GRIP1: variants seen among roughly 807,000 people sequenced by gnomAD.
The protein encoded by GRIP1 is glutamate receptor-interacting protein 1.
GRIP1 carries 45 observed loss-of-function variants against 129.9 expected under a neutral mutation model. That is an observed-to-expected ratio of 0.35 (90% confidence interval 0.27 to 0.44). The LOEUF (loss-of-function observed/expected upper bound fraction) is 0.44. Ranked by LOEUF, GRIP1 falls within the 20% of genes least tolerant of loss-of-function variation. GRIP1 has a pLI of 1.00. For synonymous variants in GRIP1, 530 were observed against 520.8 expected (o/e 1.02, Z -0.24); for missense variants, 1,196 against 1,396.8 (o/e 0.86, Z 2.29).
chr12:66,924,384 CTA>C (rs2041262399), intron 1 of GRIP1, among the ~76,000 whole-genome samples: 1 of 152,138 alleles, frequency 6.6e-6, no homozygotes, highest in African/African-American at 2.4e-5. Context: ...CTAGGAAAAA[CTA>C]TTGATACATA....
chr12:66,937,431 T>G (rs967127054), intron 1 of GRIP1, among the ~76,000 whole-genome samples: 4 of 152,212 alleles, frequency 2.6e-5, no homozygotes, highest in African/African-American at 7.2e-5. Context: ...GAAAAGTGCA[T>G]AACAAATAAA....
At chr12:66,401,598 GTATATA>G (rs1555177931) in intron 16 of GRIP1, among the ~76,000 whole-genome samples, 17 of 66,270 alleles carry the variant, frequency 2.6e-4, no homozygotes, top group African/African-American at 9.8e-4. Context: ...AAATATGTGT[GTATATA>G]TATATACACA....
chr12:66,497,122 G>A (rs10878440), intron 7 of GRIP1, among the ~76,000 whole-genome samples: 37,321 of 151,988 alleles, frequency 0.25, 4,704 homozygotes, highest in South Asian at 0.33. Context: ...CACTATGCAT[G>A]TAGTGGCAAA....
chr12:66,381,558 G>T (rs1036684417), intron 19 of GRIP1, among the ~76,000 whole-genome samples: 1 of 152,166 alleles, frequency 6.6e-6, no homozygotes, highest in South Asian at 2.1e-4. Flanking sequence ...GCTAATTGGT[G>T]GTGTCTTCCT....
intron 1 of GRIP1, among the ~76,000 whole-genome samples, chr12:66,997,466 A>T (rs989471961): frequency 6.6e-6 from 1 of 152,202 alleles, no homozygotes; most frequent in African/African-American, 2.4e-5. Context: ...TAGTAAAATT[A>T]AAAAGTGCTT....
chr12:66,438,623 G>GTAGC, intron 13 of GRIP1, among the ~76,000 whole-genome samples: 1 of 151,858 alleles, frequency 6.6e-6, no homozygotes, highest in South Asian at 2.1e-4. Flanking sequence ...AGCCTCCCTG[G>GTAGC]TAGCTAGGAT....
chr12:66,980,946 A>C (rs2042234605), intron 1 of GRIP1, among the ~76,000 whole-genome samples: 1 of 152,180 alleles, frequency 6.6e-6, no homozygotes. Flanking sequence ...ACCACTAGAC[A>C]ACTAAAGGAC....
rs756526935 is a variant in GRIP1, at chr12:66,517,928, CAT to C, written c.549_550del (p.Val185SerfsTer7). 1 of 1,592,750 alleles carries C rather than the reference CAT, an allele frequency of 6.3e-7. No homozygotes were observed. The highest frequency in any genetic ancestry group is 8.6e-7 in the Non-Finnish European group (1 of 1,160,656). ...GTCAGCAGGCCCTCCAGGACGAACA[CAT>C]GTTATCACAACTGGACGAGATTTAT... On this transcript the variant is annotated frameshift_variant, in exon 6 of 25. Transcript: ENST00000359742. LOFTEE classifies it high-confidence loss of function.
intron 1 of GRIP1, among the ~76,000 whole-genome samples, chr12:66,675,433 G>A (rs1341644813): frequency 6.6e-6 from 1 of 152,106 alleles, no homozygotes; most frequent in African/African-American, 2.4e-5. Context: ...TGCATATGAG[G>A]CCAAACTGTC....
chr12:66,495,421 C>A (rs746941845), intron 7 of GRIP1, among the ~76,000 whole-genome samples: 3 of 151,820 alleles, frequency 2.0e-5, no homozygotes, highest in Non-Finnish European at 4.4e-5. Context: ...TTCAATATTA[C>A]CCTATCTGCA....
At chr12:66,631,320 G>A (rs10784562) in intron 1 of GRIP1, among the ~76,000 whole-genome samples, 29,656 of 152,042 alleles carry the variant, frequency 0.2, 3,011 homozygotes, top group Non-Finnish European at 0.23. Context: ...GAAAAAAACC[G>A]CTGAAGCTGG....
In GRIP1 at chr12:66,506,600, G is replaced by A. The variant is rs577538363; in HGVS notation, c.724+9019C>T. 2.0e-5 allele frequency among the ~76,000 whole-genome samples: 3 copies of A among 152,248 alleles called. No homozygotes were observed. The South Asian group carries it at 6.2e-4, about 32-fold the overall frequency. On this transcript the variant is annotated intron_variant, in intron 7 of 24. Coordinates refer to ENST00000359742, the MANE Select transcript of GRIP1 (RefSeq NM_001366722.1). ...TATGTTTCATTTCTTGACCTCGATG[G>A]AGAACACATAAATGAAAATTTAATA...
intron 15 of GRIP1, among the ~76,000 whole-genome samples, chr12:66,414,038 A>G (rs1787092666): frequency 6.6e-6 from 1 of 152,132 alleles, no homozygotes; most frequent in South Asian, 2.1e-4. Context: ...AAACTAGCAC[A>G]AGACAAGGAT....
rs71088212 is a variant in GRIP1 at position 66,834,926 on chromosome 12, T to TAAA, written c.58+234121_58+234123dup. 7.8e-3 allele frequency among the ~76,000 whole-genome samples: 721 copies of TAAA among 92,536 alleles called. 12 individuals carry two copies. Among genetic ancestry groups the TAAA allele is most frequent in the Admixed American group, 0.011 (89 of 7,786 alleles). The allele number at this position is 92,536 out of a possible 152,430, so 60.7% of individuals were successfully genotyped here. On this transcript the variant is annotated intron_variant, in intron 1 of 1. Coordinates refer to the GRIP1 transcript ENST00000643019. Reference sequence around the variant, plus strand: ...CACAGCATGACAAGACTCGTCTCTTTAAAAAAAAAAGGGGGGGGGGCAGGA... The same window carrying TAAA: ...CACAGCATGACAAGACTCGTCTCTTTAAAAAAAAAAAAAGGGGGGGGGGCAGGA...
chr12:66,515,307 A>G (rs2060812439), intron 7 of GRIP1, among the ~76,000 whole-genome samples: 1 of 152,206 alleles, frequency 6.6e-6, no homozygotes, highest in South Asian at 2.1e-4. Context: ...TAATAATACT[A>G]TTTTTGTGAT....
At chr12:66,397,238 G>A (rs186433338) in intron 16 of GRIP1, among the ~76,000 whole-genome samples, 2 of 151,598 alleles carry the variant, frequency 1.3e-5, no homozygotes, top group East Asian at 1.9e-4. Context: ...TTGGCCAGGC[G>A]CAGTGGCTCA....
rs2054064649 is a variant in GRIP1 at position 66,348,258 on chromosome 12, T to C, written c.*761A>G. On this transcript the variant is annotated 3_prime_UTR_variant, in exon 25 of 25. Transcript: ENST00000359742. ...AGTTCTTAGTCTTGAATTTTAAAAA[T>C]AAGATAATATAACTAATTCTCATGT... 1 of 151,896 alleles carries C rather than the reference T, an allele frequency of 6.6e-6. No individual in the cohort carries two copies. Among genetic ancestry groups the C allele is most frequent in the African/African-American group, 2.4e-5 (1 of 41,236 alleles). The allele number at this position is 151,896 out of a possible 1,614,324, so 9.4% of individuals were successfully genotyped here. A position where few individuals can be genotyped will look rare whatever the true frequency, so the allele number is the denominator to read the frequency against.
rs1166901941 is a variant in GRIP1, at chr12:66,698,099, T to G, written c.-419-67763A>C. 2.6e-5 allele frequency among the ~76,000 whole-genome samples: 4 copies of G among 152,100 alleles called. No homozygotes were observed. In the East Asian group the frequency reaches 7.7e-4, roughly 29 times the overall value. The stretch of plus-strand genomic sequence containing the variant: ...TACAATATTTACAACAATCAGAGAT[T>G]AGGAGCTTGAAAAAGAATGGAGCAC... On this transcript the variant is annotated intron_variant, in intron 1 of 4. Transcript: ENST00000538373.
intron 1 of GRIP1, among the ~76,000 whole-genome samples, chr12:67,052,961 T>C (rs995988185): frequency 6.6e-6 from 1 of 152,162 alleles, no homozygotes; most frequent in African/African-American, 2.4e-5. Flanking sequence ...AGCCCAAATC[T>C]CTATCCTAAA....
Sources: gnomAD v4.1 joint callset for allele counts (sites outside exome capture counted in the v4.1 genomes callset) on GRCh38, gnomAD v4.1.1 for gene constraint, MANE v1.5 for transcripts, NCBI Gene and HGNC (gene_info 2026-07-23, HGNC 2026-07-21) for gene names.